SHB: variants seen among roughly 807,000 people sequenced by gnomAD.
SHB encodes SH2 domain containing adaptor protein B, also known as SH2 domain-containing adapter protein B.
Under a neutral mutation model 52.3 loss-of-function variants are expected in SHB, and 20 were observed. That is an observed-to-expected ratio of 0.38 (90% CI 0.27 to 0.56). SHB has a LOEUF of 0.56. Among genes scored for constraint, SHB ranks in the 20% least tolerant of loss-of-function variants. The pLI is 0.71. For missense variants in SHB, 825 were observed against 723.3 expected, an observed-to-expected ratio of 1.14 and a Z score of -1.61; for synonymous variants, 397 against 316.5, an observed-to-expected ratio of 1.25 and a Z score of -2.70.
At chr9:37,989,033 C>T (rs1321519747) in intron 2 of SHB, among the ~76,000 whole-genome samples, 1 of 121,012 alleles carries the variant, frequency 8.3e-6, no homozygotes, top group Non-Finnish European at 1.7e-5. Context: ...TTCATAATCA[C>T]ATGATCCATT....
At chr9:37,975,677 T>C (rs1820645172) in intron 2 of SHB, among the ~76,000 whole-genome samples, 2 of 152,118 alleles carry the variant, frequency 1.3e-5, no homozygotes, top group African/African-American at 4.8e-5. Flanking sequence ...AACAGGGAAA[T>C]TTTACCTGCT....
chr9:37,982,730 C>T (rs189380161), intron 2 of SHB, among the ~76,000 whole-genome samples: 106 of 151,824 alleles, frequency 7.0e-4, no homozygotes, highest in African/African-American at 2.4e-3. Flanking sequence ...ACCTGGTAGG[C>T]GGAGGTTGTG....
chr9:38,066,229 A>C (rs1821958818), intron 1 of SHB, among the ~76,000 whole-genome samples: 1 of 152,218 alleles, frequency 6.6e-6, no homozygotes, highest in Admixed American at 6.5e-5. Context: ...CTGGGAAAAA[A>C]TGTTTACTGA....
At chr9:38,042,599 G>C (rs1193962247) in intron 1 of SHB, among the ~76,000 whole-genome samples, 2 of 152,288 alleles carry the variant, frequency 1.3e-5, no homozygotes, top group Non-Finnish European at 2.9e-5. Context: ...TGTTTAAGAG[G>C]GGATCTACCT....
At chr9:38,017,927 G>C (rs144830405) in intron 1 of SHB, among the ~76,000 whole-genome samples, 5 of 152,304 alleles carry the variant, frequency 3.3e-5, no homozygotes, top group African/African-American at 1.2e-4. Flanking sequence ...CTGTCAAACG[G>C]AACAGTTCAG....
At chr9:37,942,917 GGGGACA>G (rs1832451257) in intron 5 of SHB, among the ~76,000 whole-genome samples, 1 of 152,074 alleles carries the variant, frequency 6.6e-6, no homozygotes, top group Non-Finnish European at 1.5e-5. Context: ...GGATCACTGG[GGGGACA>G]GGGAGGCAGA....
intron 1 of SHB, among the ~76,000 whole-genome samples, chr9:38,048,251 G>A (rs1260070436): frequency 1.3e-5 from 2 of 152,100 alleles, no homozygotes; most frequent in Non-Finnish European, 2.9e-5. Context: ...CATTTTGGTC[G>A]ATTTCCTTCC....
Position 37,968,695 on chromosome 9 carries a change from A to G in SHB, c.1054+5927T>C, listed in dbSNP as rs574676583. Among the ~76,000 whole-genome samples the G allele has an allele frequency of 8.5e-5, 13 of 152,288 alleles. No homozygotes were observed. In the South Asian group the frequency reaches 1.5e-3, roughly 17 times the overall value. ...CCTCCTGTCATCTGGCTCCTCTATCAAGCTCAAGAGCTGCAGTTACTTACT... is the reference window on the plus strand; with the variant it reads ...CCTCCTGTCATCTGGCTCCTCTATCGAGCTCAAGAGCTGCAGTTACTTACT... On this transcript the variant is annotated intron_variant, in intron 3 of 5. Transcript: ENST00000377707.
intron 1 of SHB, among the ~76,000 whole-genome samples, chr9:38,016,713 C>T (rs1821218445): frequency 6.6e-6 from 1 of 152,166 alleles, no homozygotes; most frequent in African/African-American, 2.4e-5. Flanking sequence ...AATAAAAACA[C>T]AAAAGCAGCT....
At chr9:38,046,826 G>T (rs554981787) in intron 1 of SHB, among the ~76,000 whole-genome samples, 1 of 152,212 alleles carries the variant, frequency 6.6e-6, no homozygotes, top group East Asian at 1.9e-4. Flanking sequence ...TCCCTTCGTC[G>T]CTTGTGGCTT....
Position 38,068,469 on chromosome 9 carries a change from G to C in SHB, c.177C>G (p.Thr59=), listed in dbSNP as rs771698641. 8.6e-6 allele frequency: 13 copies of C among 1,515,766 alleles called. No homozygotes were observed. The East Asian group carries it at 3.5e-4, about 41-fold the overall frequency. The allele number at this position is 1,515,766 out of a possible 1,614,324, so 93.9% of individuals were successfully genotyped here. ...CCGAAGAGGCTGAGAAGCAGGAGGC[G>C]GTGGCCGGACCGCAGGACGCCGAGG... The part of the protein sequence containing the change: ...SAASASCGPA[T]ASCFSASSGS... Residue 59 remains threonine (T), a synonymous_variant, in exon 1 of 6, where the codon ACC becomes ACG. Transcript: ENST00000377707.
chr9:38,028,543 T>G (rs1396810249), intron 1 of SHB, among the ~76,000 whole-genome samples: 1 of 152,184 alleles, frequency 6.6e-6, no homozygotes, highest in African/African-American at 2.4e-5. Context: ...TCCTCCTTTG[T>G]GCAAACAAAT....
chr9:37,943,041 C>T (rs989857235), intron 5 of SHB, among the ~76,000 whole-genome samples: 1 of 152,170 alleles, frequency 6.6e-6, no homozygotes, highest in Non-Finnish European at 1.5e-5. Flanking sequence ...TTGAGAACTC[C>T]CTGCTGCCTC....
intron 2 of SHB, among the ~76,000 whole-genome samples, chr9:37,979,024 G>A (rs958106507): frequency 2.0e-5 from 3 of 152,148 alleles, no homozygotes; most frequent in African/African-American, 4.8e-5. Context: ...CCAGGACATC[G>A]AAGGCCCTTG....
chr9:37,950,884 G>A (rs568124885), intron 4 of SHB, among the ~76,000 whole-genome samples: 3 of 152,206 alleles, frequency 2.0e-5, no homozygotes, highest in African/African-American at 4.8e-5. Flanking sequence ...GTTGCAGGCC[G>A]CTGCCCATCC....
At chr9:38,065,785 CA>C (rs1821953547) in intron 1 of SHB, among the ~76,000 whole-genome samples, 1 of 152,256 alleles carries the variant, frequency 6.6e-6, no homozygotes, top group Admixed American at 6.5e-5. Context: ...GCTTAGCCTA[CA>C]AGGTCCTCCC....
At chr9:38,042,253 G>A (rs962609860) in intron 1 of SHB, among the ~76,000 whole-genome samples, 1 of 152,222 alleles carries the variant, frequency 6.6e-6, no homozygotes, top group African/African-American at 2.4e-5. Flanking sequence ...TTAGCATGGT[G>A]CCCGGGACAC....
chr9:37,944,211 G>C (rs1023987867), intron 5 of SHB, among the ~76,000 whole-genome samples: 2 of 152,210 alleles, frequency 1.3e-5, no homozygotes, highest in African/African-American at 4.8e-5. Flanking sequence ...GGGGCTCTGA[G>C]ATGTCATGAG....
chr9:38,064,226 T>C (rs1821932850), intron 1 of SHB, among the ~76,000 whole-genome samples: 1 of 152,118 alleles, frequency 6.6e-6, no homozygotes, highest in African/African-American at 2.4e-5. Context: ...ACTTTGATCC[T>C]ATTTTCCCCA....
Sources: allele counts gnomAD v4.1 joint callset (sites outside exome capture counted in the v4.1 genomes callset), GRCh38; gene constraint gnomAD v4.1.1; transcripts MANE v1.5; gene names NCBI Gene and HGNC (gene_info 2026-07-23, HGNC 2026-07-21).